Variants in PI4KB observed in about 807,000 individuals in gnomAD.
PI4KB encodes PtdIns 4-kinase beta.
Under a neutral mutation model 81.4 loss-of-function variants are expected in PI4KB, and 23 were observed. The observed-to-expected ratio is 0.28, with a 90% CI of 0.20 to 0.40. The LOEUF is 0.40. PI4KB is among the 10% of genes least tolerant of loss of function. The pLI is 1.00. For missense variants in PI4KB, 651 were observed against 1,036.6 expected (o/e 0.63, Z 5.11); for synonymous variants, 381 against 406.8 (o/e 0.94, Z 0.76).
chr1:151,325,224 C>T (rs1649449887), intron 1 of PI4KB, among the ~76,000 whole-genome samples: 1 of 151,950 alleles, frequency 6.6e-6, no homozygotes, highest in Non-Finnish European at 1.5e-5. Context: ...AACTCCTGAC[C>T]TCGGGTGATC....
intron 6 of PI4KB, 114 bp downstream of exon 6, chr1:151,303,427 G>C: frequency 1.3e-6 from 1 of 758,124 alleles, no homozygotes; most frequent in Non-Finnish European, 2.4e-6. Flanking sequence ...CAGAATGAAA[G>C]AGGGAAAGAC....
chr1:151,313,779 G>A (rs1278261777), intron 2 of PI4KB, among the ~76,000 whole-genome samples: 1 of 152,248 alleles, frequency 6.6e-6, no homozygotes, highest in Non-Finnish European at 1.5e-5. Context: ...CATAGCCTGG[G>A]CCGTTCTTCC....
At chr1:151,311,815 AC>A (rs1557803857) in intron 2 of PI4KB, among the ~76,000 whole-genome samples, 1 of 152,200 alleles carries the variant, frequency 6.6e-6, no homozygotes, top group Non-Finnish European at 1.5e-5. Context: ...CTGACATCAC[AC>A]CATATCAAGC....
chr1:151,305,836 A>G (rs985778508), intron 5 of PI4KB, among the ~76,000 whole-genome samples: 5 of 152,180 alleles, frequency 3.3e-5, no homozygotes, highest in African/African-American at 1.2e-4. Context: ...CTGCTATTCT[A>G]TGACAACTTT....
intron 4 of PI4KB, 23 bp downstream of exon 4, chr1:151,307,551 G>A (rs1174632645): frequency 4.6e-6 from 7 of 1,530,870 alleles, no homozygotes; most frequent in South Asian, 1.1e-5. Context: ...CCAGGGTAGG[G>A]GTTTGGGCCA....
At chr1:151,326,285 A>T in intron 1 of PI4KB, 1 of 1,148,014 alleles carries the variant, frequency 8.7e-7, no homozygotes, top group African/African-American at 1.5e-5. Context: ...GGCCTTCAGA[A>T]ACACCCTTCT....
At chr1:151,305,423 A>C (rs1441811414) in intron 5 of PI4KB, among the ~76,000 whole-genome samples, 2 of 152,172 alleles carry the variant, frequency 1.3e-5, no homozygotes, top group Non-Finnish European at 2.9e-5. Flanking sequence ...TCACACCTGC[A>C]CATCACAGCC....
chr1:151,308,519 T>C (rs4971030), intron 3 of PI4KB, among the ~76,000 whole-genome samples: 83,313 of 151,992 alleles, frequency 0.55, 24,269 homozygotes, highest in Non-Finnish European at 0.65. Flanking sequence ...CCCTTGATGA[T>C]GGCCCTGAAG....
intron 8 of PI4KB, among the ~76,000 whole-genome samples, chr1:151,299,353 C>A (rs1695057724): frequency 6.6e-6 from 1 of 152,060 alleles, no homozygotes; most frequent in Non-Finnish European, 1.5e-5. Context: ...TATCCCCTCT[C>A]AAGCAGGGAG....
intron 1 of PI4KB, among the ~76,000 whole-genome samples, chr1:151,317,631 G>C (rs778685381): frequency 6.6e-6 from 1 of 152,028 alleles, no homozygotes; most frequent in African/African-American, 2.4e-5. Flanking sequence ...CAGATTCTTC[G>C]GGTAGACTGA....
At chr1:151,303,431 G>A (rs2101942527) in intron 6 of PI4KB, 110 bp downstream of exon 6, 1 of 775,142 alleles carries the variant, frequency 1.3e-6, no homozygotes, top group East Asian at 2.5e-5. Flanking sequence ...ATGAAAGAGG[G>A]AAAGACACAG....
intron 1 of PI4KB, among the ~76,000 whole-genome samples, chr1:151,325,636 A>C (rs1649499415): frequency 1.3e-5 from 2 of 152,222 alleles, no homozygotes; most frequent in Non-Finnish European, 2.9e-5. Context: ...AAAGCAAAGC[A>C]GATGAAGGAA....
At chr1:151,325,683 C>A (rs375829560) in intron 1 of PI4KB, among the ~76,000 whole-genome samples, 1 of 152,226 alleles carries the variant, frequency 6.6e-6, no homozygotes, top group African/African-American at 2.4e-5. Context: ...TGACTTACAC[C>A]CCTGGTTGTG....
At chr1:151,294,325 T>C in intron 10 of PI4KB, 84 bp downstream of exon 10, 1 of 1,523,636 alleles carries the variant, frequency 6.6e-7, no homozygotes, top group Non-Finnish European at 8.9e-7. Flanking sequence ...CATCCCTAAT[T>C]TGCAGGGAGC....
At chr1:151,314,539 C>T (rs1647617576) in intron 2 of PI4KB, among the ~76,000 whole-genome samples, 1 of 152,192 alleles carries the variant, frequency 6.6e-6, no homozygotes, top group African/African-American at 2.4e-5. Flanking sequence ...TCCTCTTCTT[C>T]CCAGCCTCCA....
chr1:151,323,377 G>T (rs1416184871), intron 1 of PI4KB, among the ~76,000 whole-genome samples: 1 of 151,814 alleles, frequency 6.6e-6, no homozygotes, highest in African/African-American at 2.4e-5. Flanking sequence ...CATGGTGGCG[G>T]GTGCCTGTAA....
At chr1:151,307,846 G>T in intron 3 of PI4KB, 45 bp from the exon 4 acceptor site, 1 of 1,397,418 alleles carries the variant, frequency 7.2e-7, no homozygotes, top group Non-Finnish European at 1.0e-6. Flanking sequence ...AGAAACCATA[G>T]AATACAATGG....
chr1:151,323,679 G>A (rs984419658), intron 1 of PI4KB, among the ~76,000 whole-genome samples: 4 of 152,098 alleles, frequency 2.6e-5, no homozygotes, highest in South Asian at 2.1e-4. Context: ...AGCCGAGATC[G>A]TGCCACTGCA....
rs1695026898 is a variant in PI4KB at position 151,299,010 on chromosome 1, C to A, written c.1813G>T (p.Ala605Ser). The A allele has an allele frequency of 6.2e-7, 1 of 1,613,978 alleles. No individual in the cohort carries two copies. Among genetic ancestry groups the A allele is most frequent in the African/African-American group, 1.3e-5 (1 of 74,920 alleles). ...ACTGGTTCAATCATGCCACTATCAGCCGAAATCACAAGAATCTTGTATGGC... is the reference window on the plus strand; with the variant it reads ...ACTGGTTCAATCATGCCACTATCAGACGAAATCACAAGAATCTTGTATGGC... ...IKPYKILVIS[A>S]DSGMIEPVVN... Residue 605 changes from alanine to serine, a missense_variant, in exon 9 of 12, where the codon GCT becomes TCT. Around this residue, in one of 5 missense-constraint regions of PI4KB, gnomAD observed 246 missense variants for 430.1 expected, o/e 0.57. Coordinates refer to ENST00000368873, the MANE Select transcript of PI4KB (RefSeq NM_001369623.2).
Sources: gnomAD v4.1 joint callset for allele counts (sites outside exome capture counted in the v4.1 genomes callset) on GRCh38, gnomAD v4.1.1 for gene constraint, gnomAD v4.1.1 regional missense constraint, MANE v1.5 for transcripts, NCBI Gene and HGNC (gene_info 2026-07-23, HGNC 2026-07-21) for gene names.